MIER1: variants seen among roughly 807,000 people sequenced by gnomAD.
MIER1 encodes the protein MIER1 transcriptional regulator.
Under a neutral mutation model 75.7 loss-of-function variants are expected in MIER1, and 40 were observed. The observed-to-expected ratio is 0.53, with a 90% confidence interval of 0.41 to 0.69. The LOEUF (loss-of-function observed/expected upper bound fraction) is 0.69, where lower values mean the gene tolerates loss of function less well. Ranked by LOEUF, MIER1 falls within the 30% of genes least tolerant of loss-of-function variation. MIER1 has a pLI of 0.00. For missense variants in MIER1, 574 were observed against 680.2 expected, an observed-to-expected ratio of 0.84 and a Z score of 1.74; for synonymous variants, 213 against 223.4, an observed-to-expected ratio of 0.95 and a Z score of 0.42.
chr1:66,946,921 T>G, intron 4 of MIER1: 1 of 985,408 alleles, frequency 1.0e-6, no homozygotes, highest in South Asian at 4.7e-5. Context: ...TTCAGTATCT[T>G]TTGCAGACTC....
At chr1:66,946,733 T>G in intron 4 of MIER1, 2 of 985,786 alleles carry the variant, frequency 2.0e-6, no homozygotes, top group Non-Finnish European at 2.4e-6. Context: ...CTAGATTATC[T>G]CCACCTCTTC....
Position 66,940,579 on chromosome 1 carries a change from A to C in MIER1, c.193+527A>C, listed in dbSNP as rs543581610. 1.2e-4 allele frequency among the ~76,000 whole-genome samples: 18 copies of C among 152,328 alleles called. No individual in the cohort carries two copies. In the East Asian group the frequency reaches 3.3e-3, roughly 28 times the overall value. ...GGATCAAGTTTTAGGTTCTGAGCAC[A>C]CATCTAGGATTTTTGTATTCTTTCT... On this transcript the variant is annotated intron_variant, in intron 3 of 13. Coordinates refer to ENST00000401041, the MANE Select transcript of MIER1 (RefSeq NM_001077700.3).
chr1:66,951,208 C>T (rs1395003397), intron 4 of MIER1, among the ~76,000 whole-genome samples: 1 of 152,168 alleles, frequency 6.6e-6, no homozygotes, highest in Admixed American at 6.5e-5. Context: ...CAGGGTCTTA[C>T]TCTGTCACCT....
At chr1:66,948,768 A>T (rs967438549) in intron 4 of MIER1, among the ~76,000 whole-genome samples, 1 of 152,166 alleles carries the variant, frequency 6.6e-6, no homozygotes, top group African/African-American at 2.4e-5. Flanking sequence ...GCATGGTGGC[A>T]TGCACCTGTA....
At chr1:66,937,403 A>G (rs1655160126) in intron 2 of MIER1, among the ~76,000 whole-genome samples, 1 of 152,126 alleles carries the variant, frequency 6.6e-6, no homozygotes, top group Non-Finnish European at 1.5e-5. Flanking sequence ...CCTGGCCAGC[A>G]TGGTGAAACC....
At chr1:66,965,671 T>C (rs1662236484) in intron 8 of MIER1, among the ~76,000 whole-genome samples, 1 of 152,184 alleles carries the variant, frequency 6.6e-6, no homozygotes. Context: ...AAACAATCCA[T>C]TTATACTCTT....
At chr1:66,982,296 A>ATGTAAGGTAACAGTG (rs1487325125) in intron 13 of MIER1, among the ~76,000 whole-genome samples, 31 of 152,346 alleles carry the variant, frequency 2.0e-4, no homozygotes, top group African/African-American at 7.5e-4. Context: ...AAATACCTTG[A>ATGTAAGGTAACAGTG]TGTAAGGTAA....
chr1:66,974,907 A>G (rs1222723105), intron 11 of MIER1, among the ~76,000 whole-genome samples: 1 of 152,212 alleles, frequency 6.6e-6, no homozygotes, highest in East Asian at 1.9e-4. Flanking sequence ...ATGCCCCAAA[A>G]TGACTTTATC....
chr1:66,939,964 G>T (rs568637978), intron 2 of MIER1, 64 bp from the exon 3 acceptor site: 2 of 1,274,702 alleles, frequency 1.6e-6, no homozygotes, highest in Non-Finnish European at 1.1e-6. Context: ...GAATAATTTC[G>T]GTAATGTTTG....
rs754428061 is a variant in MIER1, at chr1:66,984,863, A to G, written c.1661A>G (p.His554Arg). The G allele has an allele frequency of 2.5e-6, 4 of 1,597,542 alleles. No homozygotes were observed. The highest frequency in any genetic ancestry group is 2.3e-5 in the South Asian group (2 of 87,230). ...GAATTTTTCCAAGAAGCAGTCTCAC[A>G]TGGGAAATTTGAAGAACTTGAAAAC... ...SSEFFQEAVS[H>R]GKFEELENTD... Residue 554 changes from histidine (H) to arginine (R), a missense_variant, in exon 14 of 14, where the codon CAT (histidine) becomes CGT (arginine). By Grantham distance (29) the His-to-Arg change is conservative (BLOSUM62 0). Coordinates refer to ENST00000401041, the MANE Select transcript of MIER1 (RefSeq NM_001077700.3).
intron 2 of MIER1, chr1:66,930,221 G>T: frequency 1.4e-6 from 2 of 1,406,584 alleles, no homozygotes; most frequent in South Asian, 3.1e-5. Context: ...GGGGCGGAGT[G>T]GGGTGTGGTG....
chr1:66,943,439 A>G (rs1656720487), intron 3 of MIER1, among the ~76,000 whole-genome samples: 1 of 152,190 alleles, frequency 6.6e-6, no homozygotes, highest in South Asian at 2.1e-4. Flanking sequence ...CATTTTTACT[A>G]TAATCTGGTA....
intron 4 of MIER1, 73 bp downstream of exon 4, chr1:66,946,368 A>T: frequency 1.4e-6 from 2 of 1,477,778 alleles, no homozygotes; most frequent in Admixed American, 2.6e-5. Context: ...TGAAATTTTG[A>T]TTCTCTGATT....
intron 12 of MIER1, among the ~76,000 whole-genome samples, chr1:66,976,981 A>G (rs761497211): frequency 6.6e-6 from 1 of 152,350 alleles, no homozygotes; most frequent in African/African-American, 2.4e-5. Flanking sequence ...TGAGACAAGC[A>G]TATCATTAAA....
intron 2 of MIER1, chr1:66,930,433 AGCCGGGCGCCCCCGGCCCTGG>A (rs746404810): frequency 1.0e-5 from 16 of 1,602,800 alleles, no homozygotes; most frequent in Non-Finnish European, 1.4e-5. Context: ...CCTGTCCCGG[AGCCGGGCGCCCCCGGCCCTGG>A]GCCGGGGAGG....
intron 4 of MIER1, among the ~76,000 whole-genome samples, chr1:66,955,653 G>T (rs1052758270): frequency 6.6e-6 from 1 of 152,120 alleles, no homozygotes; most frequent in Admixed American, 6.6e-5. Flanking sequence ...AAAGGTAGTG[G>T]TTAACAGGAT....
intron 11 of MIER1, 39 bp from the exon 12 acceptor site, chr1:66,976,556 A>C (rs771534695): frequency 1.3e-6 from 2 of 1,530,346 alleles, no homozygotes; most frequent in East Asian, 4.7e-5. Flanking sequence ...AACTTTGTTA[A>C]AAAGGAGATT....
At chr1:66,978,465 A>G (rs1336202639) in intron 12 of MIER1, among the ~76,000 whole-genome samples, 1 of 152,188 alleles carries the variant, frequency 6.6e-6, no homozygotes. Flanking sequence ...AATTTCATAA[A>G]TAGCAGTATT....
rs190905185 is a variant in MIER1 at position 66,978,584 on chromosome 1, A to G, written c.1229+1862A>G. ...TAGATACAGCATCTAGTCTGCAGAT[A>G]TATCTTAAAATAGTCATGATTTTCA... On this transcript the variant is annotated intron_variant, in intron 12 of 13. Transcript: ENST00000401041. 1.1e-4 allele frequency among the ~76,000 whole-genome samples: 17 copies of G among 152,348 alleles called. No homozygotes were observed. In the East Asian group the frequency reaches 2.1e-3, roughly 19 times the overall value.
Sources: gnomAD v4.1 joint callset for allele counts (sites outside exome capture counted in the v4.1 genomes callset) on GRCh38, gnomAD v4.1.1 for gene constraint, MANE v1.5 for transcripts, NCBI Gene and HGNC (gene_info 2026-07-23, HGNC 2026-07-21) for gene names.